VPS4B: variants seen among roughly 807,000 people sequenced by gnomAD.
VPS4B encodes the protein vacuolar protein sorting-associated protein 4B.
A neutral mutation model predicts 56.1 loss-of-function variants in VPS4B; 23 were observed. That is an observed-to-expected ratio of 0.41 (90% CI 0.30 to 0.58). VPS4B has a LOEUF of 0.58. Ranked by LOEUF, VPS4B falls within the 20% of genes least tolerant of loss-of-function variation. The pLI is 0.29. For synonymous variants in VPS4B, 177 were observed against 186.0 expected, an observed-to-expected ratio of 0.95 and a Z score of 0.39; for missense variants, 372 against 531.9, an observed-to-expected ratio of 0.70 and a Z score of 2.96.
rs747947691 is a variant in VPS4B, at chr18:63,400,622, G to A, written c.566C>T (p.Thr189Ile). The change falls in exon 6 of 11, where the codon ACA becomes ATA. Residue 189 changes from threonine (T) to isoleucine (I), a missense_variant. Physicochemically the swap from Thr to Ile is moderately conservative, Grantham distance 89. This residue lies in a region of VPS4B where 66 missense variants were observed against 150.7 expected (regional missense o/e 0.44). Transcript: ENST00000238497. ...GKSYLAKAVA[T>I]EANNSTFFSI... ...AAAAAATGTTGAGTTGTTGGCTTCT[G>A]TTGCTACAGCTTTGGCTAAGTAGGA... 6 of 1,611,870 alleles carry A rather than the reference G, an allele frequency of 3.7e-6. No homozygotes were observed. Among genetic ancestry groups the A allele is most frequent in the African/African-American group, 1.3e-5 (1 of 74,732 alleles).
At chr18:63,409,691 G>A (rs1276189237) in intron 3 of VPS4B, among the ~76,000 whole-genome samples, 7 of 152,242 alleles carry the variant, frequency 4.6e-5, no homozygotes, top group East Asian at 1.9e-4. Context: ...CAGTTTCAAC[G>A]TTTATAAGTT....
intron 3 of VPS4B, among the ~76,000 whole-genome samples, chr18:63,407,949 T>G (rs1178906758): frequency 6.6e-6 from 1 of 152,154 alleles, no homozygotes; most frequent in Non-Finnish European, 1.5e-5. Flanking sequence ...CAACCCTTAG[T>G]CTGGGGATTC....
chr18:63,410,515 T>C (rs1916016603), intron 2 of VPS4B, 69 bp from the exon 3 acceptor site: 1 of 1,561,262 alleles, frequency 6.4e-7, no homozygotes. Flanking sequence ...AACTCTTAAA[T>C]ATGTATTTTT....
rs1915509706 is a variant in VPS4B, at chr18:63,390,082, C to T, written c.*893G>A. ...TTGAGACAGAGTTTTATTCAGTCGC[C>T]CAGGCTGGAGTGCAATGGCGCTATC... On this transcript the variant is annotated 3_prime_UTR_variant, in exon 11 of 11. Coordinates refer to ENST00000238497, the MANE Select transcript of VPS4B (RefSeq NM_004869.4). 6.6e-6 allele frequency: 1 copy of T among 152,380 alleles called. No individual in the cohort carries two copies. The highest frequency in any genetic ancestry group is 2.4e-5 in the African/African-American group (1 of 41,396). The allele number at this position is 152,380 out of a possible 1,614,324, so 9.4% of individuals were successfully genotyped here.
intron 3 of VPS4B, among the ~76,000 whole-genome samples, chr18:63,409,512 G>A (rs1188200665): frequency 1.3e-5 from 2 of 152,194 alleles, no homozygotes; most frequent in Admixed American, 6.5e-5. Flanking sequence ...TCTTAAGGGT[G>A]TGTTACCTGG....
chr18:63,420,900 T>G (rs954719734), intron 1 of VPS4B, among the ~76,000 whole-genome samples: 3 of 151,068 alleles, frequency 2.0e-5, no homozygotes, highest in African/African-American at 2.4e-5. Context: ...TAGCTGGGCG[T>G]GGTGGTGGGT....
At position 63,398,225 on chromosome 18, in the gene VPS4B, T is replaced by TATATA. The variant is rs1568084680; in HGVS notation, c.873-973_873-972insTATAT. On this transcript the variant is annotated intron_variant, in intron 8 of 10. Coordinates refer to ENST00000238497, the MANE Select transcript of VPS4B (RefSeq NM_004869.4). ...CACACATATATATATATATATATAT[T>TATATA]TTTTTTTGAGATGGAGTCTCACTCT... is the stretch of plus-strand genomic sequence containing the variant. Among the ~76,000 whole-genome samples the TATATA allele has an allele frequency of 5.0e-3, 275 of 54,954 alleles. 2 individuals carry two copies. The highest frequency in any genetic ancestry group is 0.013 in the Middle Eastern group (1 of 76). The allele number at this position is 54,954 out of a possible 152,430, so 36.1% of individuals were successfully genotyped here.
intron 9 of VPS4B, chr18:63,396,242 G>C (rs1269557729): frequency 6.6e-6 from 1 of 151,952 alleles, no homozygotes; most frequent in Non-Finnish European, 1.5e-5. Context: ...AAACACATTA[G>C]GATGATTAAT....
chr18:63,394,283 G>T lies in VPS4B; in HGVS notation c.1093-734C>A, dbSNP rs549173860. On this transcript the variant is annotated intron_variant, in intron 9 of 10. Coordinates refer to ENST00000238497, the MANE Select transcript of VPS4B (RefSeq NM_004869.4). ...TTTGGAACTTTAGTATGAAACTACT[G>T]AATCTCTTTCAACAAAAATGCTCTC... 2.0e-5 allele frequency among the ~76,000 whole-genome samples: 3 copies of T among 152,256 alleles called. No homozygotes were observed. In the South Asian group the frequency reaches 6.2e-4, roughly 32 times the overall value.
chr18:63,397,303 T>G, intron 8 of VPS4B, 50 bp from the exon 9 acceptor site: 3 of 1,508,610 alleles, frequency 2.0e-6, no homozygotes, highest in Non-Finnish European at 2.7e-6. Context: ...AATTAGGATA[T>G]TTCCAAGAAG....
intron 7 of VPS4B, 35 bp from the exon 8 acceptor site, chr18:63,399,358 T>C (rs1467145879): frequency 6.3e-7 from 1 of 1,583,074 alleles, no homozygotes; most frequent in Non-Finnish European, 8.7e-7. Context: ...AATTAATTTG[T>C]CATTTTGGTG....
At chr18:63,419,005 G>A (rs903008390) in intron 1 of VPS4B, among the ~76,000 whole-genome samples, 6 of 152,080 alleles carry the variant, frequency 3.9e-5, no homozygotes, top group Non-Finnish European at 1.5e-5. Context: ...TTGCTCCCTT[G>A]CCCTGGCCCC....
In VPS4B at chr18:63,400,338, T is replaced by C. The variant is rs182788103; in HGVS notation, c.642-142A>G. 5 of 1,123,028 alleles carry C rather than the reference T, an allele frequency of 4.5e-6. No individual in the cohort carries two copies. The Admixed American group carries it at 1.6e-4, about 35-fold the overall frequency. 69.6% of individuals were successfully genotyped at this position (1,123,028 alleles called of 1,614,324 possible). ...AGAAAATAAGAATGCTACAACTGGA[T>C]AATTCACTTTATGATTCACTAGGTT... is the stretch of plus-strand genomic sequence containing the variant. On this transcript the variant is annotated intron_variant, in intron 6 of 10. Coordinates refer to ENST00000238497, the MANE Select transcript of VPS4B (RefSeq NM_004869.4).
At chr18:63,393,326 T>C in intron 10 of VPS4B, 83 bp downstream of exon 10, 1 of 1,338,998 alleles carries the variant, frequency 7.5e-7, no homozygotes, top group Non-Finnish European at 9.8e-7. Context: ...TATACTAAGA[T>C]TTTCCAGCAA....
At chr18:63,403,966 G>A in intron 4 of VPS4B, 140 bp from the exon 5 acceptor site, 1 of 975,116 alleles carries the variant, frequency 1.0e-6, no homozygotes, top group Non-Finnish European at 1.4e-6. Context: ...GAAATAGCGT[G>A]AGCAGGAAGC....
chr18:63,407,999 C>A (rs543854613), intron 3 of VPS4B, among the ~76,000 whole-genome samples: 1 of 152,270 alleles, frequency 6.6e-6, no homozygotes, highest in Admixed American at 6.5e-5. Context: ...ATGAACTACA[C>A]CCAAAGAACA....
chr18:63,406,567 G>A (rs1040583274), intron 4 of VPS4B, among the ~76,000 whole-genome samples: 1 of 152,128 alleles, frequency 6.6e-6, no homozygotes, highest in Non-Finnish European at 1.5e-5. Context: ...AATTCAATCT[G>A]AAAAATTGTT....
In VPS4B at chr18:63,389,229, A is replaced by G. The variant is rs1373686153; in HGVS notation, c.*1746T>C. The G allele has an allele frequency of 1.3e-5, 2 of 152,240 alleles. No individual in the cohort carries two copies. Among genetic ancestry groups the G allele is most frequent in the Non-Finnish European group, 1.5e-5 (1 of 68,042 alleles). The allele number at this position is 152,240 out of a possible 1,614,324, so 9.4% of individuals were successfully genotyped here. ...TTAATAATTTTAATGATTTCTTTGT[A>G]TCTAACCAATTTAGGTAATATTTTC... On this transcript the variant is annotated 3_prime_UTR_variant, in exon 11 of 11. Coordinates refer to ENST00000238497, the MANE Select transcript of VPS4B (RefSeq NM_004869.4).
At chr18:63,398,138 GAT>G (rs1352792406) in intron 8 of VPS4B, among the ~76,000 whole-genome samples, 2 of 146,552 alleles carry the variant, frequency 1.4e-5, no homozygotes, top group African/African-American at 2.8e-5. Context: ...TTAAAAATTA[GAT>G]AGATAGATGT....
Sources: gnomAD v4.1 joint callset for allele counts (sites outside exome capture counted in the v4.1 genomes callset) on GRCh38, gnomAD v4.1.1 for gene constraint, gnomAD v4.1.1 regional missense constraint, MANE v1.5 for transcripts, NCBI Gene and HGNC (gene_info 2026-07-23, HGNC 2026-07-21) for gene names.